The following TINAGL1 variants were observed in gnomAD, a reference collection of about 807,000 sequenced individuals.
TINAGL1 encodes the protein tubulointerstitial nephritis antigen-like.
TINAGL1 carries 34 observed loss-of-function variants against 62.0 expected under a neutral mutation model. That is an observed-to-expected ratio of 0.55 (90% CI 0.42 to 0.73). The LOEUF (loss-of-function observed/expected upper bound fraction) is 0.73. Among genes scored for constraint, TINAGL1 ranks in the 30% least tolerant of loss-of-function variants. TINAGL1 has a pLI of 0.00. For synonymous variants in TINAGL1, 221 were observed against 249.7 expected, an observed-to-expected ratio of 0.88 and a Z score of 1.08; for missense variants, 516 against 653.2, an observed-to-expected ratio of 0.79 and a Z score of 2.29.
At chr1:31,579,934 G>A (rs1171987863) in intron 3 of TINAGL1, 1 of 166,958 alleles carries the variant, frequency 6.0e-6, no homozygotes, top group African/African-American at 2.4e-5. Flanking sequence ...CCAGAGAGAA[G>A]GAAACTTTTT....
chr1:31,579,521 C>T (rs959980531), intron 3 of TINAGL1, among the ~76,000 whole-genome samples: 5 of 152,210 alleles, frequency 3.3e-5, no homozygotes, highest in East Asian at 1.9e-4. Flanking sequence ...AGATCCTTCC[C>T]CACCCCTCCT....
rs761677862 is a variant in TINAGL1, at chr1:31,580,162, GCTCTCTCTCTCTCTCTCT to G, written c.374+928_374+945del. On this transcript the variant is annotated intron_variant, in intron 3 of 11. Coordinates refer to ENST00000271064, the MANE Select transcript of TINAGL1 (RefSeq NM_022164.3). The stretch of plus-strand genomic sequence containing the variant: ...GCTCTGGACGTTGAGGGGTTAATGC[GCTCTCTCTCTCTCTCTCT>G]CTCTCTCTCTCTCTCTCTCTCTCTC... 620 of 474,008 alleles carry G rather than the reference GCTCTCTCTCTCTCTCTCT, an allele frequency of 1.3e-3. 5 individuals are homozygous for G. The highest frequency in any genetic ancestry group is 0.01 in the African/African-American group (335 of 32,504). 29.4% of individuals were successfully genotyped at this position (474,008 alleles called of 1,614,324 possible).
At chr1:31,580,237 GTCTCTCTCTCTCTGTC>G (rs1557558105) in intron 3 of TINAGL1, 11 of 484,888 alleles carry the variant, frequency 2.3e-5, no homozygotes, top group East Asian at 1.5e-4. Flanking sequence ...GTCTCTCTCT[GTCTCTCTCTCTCTGTC>G]TCTCTCTCTC....
Position 31,585,876 on chromosome 1 carries a change from G to C in TINAGL1, c.1217G>C (p.Gly406Ala). 6.3e-7 allele frequency: 1 copy of C among 1,583,522 alleles called. No homozygotes were observed. Among genetic ancestry groups the C allele is most frequent in the Non-Finnish European group, 8.6e-7 (1 of 1,164,192 alleles). ...GGGACCCACTCAGTCAAGATCACAG[G>C]GTGAGGGGCGTGTGGGCAGAGGGGG... is the stretch of plus-strand genomic sequence containing the variant. ...RHGTHSVKITGWGEETLPDGR... is the reference protein window; with the variant it reads ...RHGTHSVKITAWGEETLPDGR... Residue 406 changes from glycine (G) to alanine (A), a missense_variant and splice_region_variant, in exon 10 of 12, where the codon GGA becomes GCA. Gly to Ala is a moderately conservative substitution (Grantham distance 60, BLOSUM62 0). Transcript: ENST00000271064. This position sits in a 1 kb window ranked among gnomAD's most constrained non-coding sequence, Gnocchi z 4.3.
At position 31,583,606 on chromosome 1, in the gene TINAGL1, T is replaced by A; in HGVS notation, c.582+31T>A. The A allele has an allele frequency of 2.5e-6, 4 of 1,573,634 alleles. No homozygotes were observed. The highest frequency in any genetic ancestry group is 3.5e-6 in the Non-Finnish European group (4 of 1,155,344). On this transcript the variant is annotated intron_variant, in intron 5 of 11. Coordinates refer to ENST00000271064, the MANE Select transcript of TINAGL1 (RefSeq NM_022164.3). This position sits in a 1 kb window ranked among gnomAD's most constrained non-coding sequence, Gnocchi z 4.4. ...TCCATCCTTCCCCACAATGCTGCCA[T>A]CTCCCCATGGCTCAGAACCTCAGGG...
chr1:31,583,460 G>C lies in TINAGL1; in HGVS notation c.468-1G>C. ...ACTTCCTTCCGTCCCCTCTCCTTCAGCTGGCAGGCTGGGAACCACAGCGCC... is the reference window on the plus strand; with the variant it reads ...ACTTCCTTCCGTCCCCTCTCCTTCACCTGGCAGGCTGGGAACCACAGCGCC... On this transcript the variant is annotated splice_acceptor_variant, in intron 4 of 11. Transcript: ENST00000271064. LOFTEE classifies it high-confidence loss of function. This position sits in a 1 kb window ranked among gnomAD's most constrained non-coding sequence, Gnocchi z 4.4. 6.2e-7 allele frequency: 1 copy of C among 1,613,188 alleles called. No homozygotes were observed. The highest frequency in any genetic ancestry group is 8.5e-7 in the Non-Finnish European group (1 of 1,179,648).
chr1:31,585,871 C>T lies in TINAGL1; in HGVS notation c.1212C>T (p.Ile404=), dbSNP rs532730668. 1 of 1,590,502 alleles carries T rather than the reference C, an allele frequency of 6.3e-7. No individual in the cohort carries two copies. Among genetic ancestry groups the T allele is most frequent in the African/African-American group, 1.3e-5 (1 of 74,624 alleles). ...GGCATGGGACCCACTCAGTCAAGAT[C>T]ACAGGGTGAGGGGCGTGTGGGCAGA... ...YRRHGTHSVK[I]TGWGEETLPD... is the part of the protein sequence containing the mutation. The change falls in exon 10 of 12, where the codon ATC becomes ATT. Residue 404 remains isoleucine, a synonymous_variant. Coordinates refer to ENST00000271064, the MANE Select transcript of TINAGL1 (RefSeq NM_022164.3). This position sits in a 1 kb window ranked among gnomAD's most constrained non-coding sequence, Gnocchi z 4.3.
At chr1:31,579,083 CAG>C (rs991975041) in intron 2 of TINAGL1, 119 bp from the exon 3 acceptor site, 60 of 714,100 alleles carry the variant, frequency 8.4e-5, no homozygotes, top group South Asian at 1.9e-4. Flanking sequence ...GTGTGTGAGA[CAG>C]AGAGAGAGAA....
At chr1:31,579,858 G>A (rs183991483) in intron 3 of TINAGL1, 117 of 161,866 alleles carry the variant, frequency 7.2e-4, no homozygotes, top group Admixed American at 1.2e-3. Context: ...GGGAGCCTGC[G>A]ACTTGGAGGA....
At position 31,579,291 on chromosome 1, in the gene TINAGL1, G is replaced by A. The variant is rs772180030; in HGVS notation, c.374+24G>A. 7 of 1,608,396 alleles carry A rather than the reference G, an allele frequency of 4.4e-6. 1 individual carries two copies. The highest frequency in any genetic ancestry group is 2.2e-5 in the South Asian group (2 of 90,892). ...TGGTGAGTGTTTGGAGCTTAGAGGG[G>A]TCTTGCTTTGTGAGCCTGTGGCTGA... On this transcript the variant is annotated intron_variant, in intron 3 of 11. Transcript: ENST00000271064.
chr1:31,580,876 T>C, intron 3 of TINAGL1: 1 of 979,556 alleles, frequency 1.0e-6, no homozygotes, highest in Non-Finnish European at 1.3e-6. Context: ...CTTGTCCCAT[T>C]TCTAGTGTAA....
rs780027482 is a variant in TINAGL1, at chr1:31,586,903, T to C, written c.1328T>C (p.Val443Ala). The change falls in exon 12 of 12, where the codon GTC (valine) becomes GCC (alanine). Residue 443 changes from valine to alanine, a missense_variant. Transcript: ENST00000271064. ...GGCCACTTCCGCATCGTGCGCGGCG[T>C]CAATGAGTGCGACATCGAGAGCTTC... ...ERGHFRIVRG[V>A]NECDIESFVL... is the part of the protein sequence containing the mutation. 7.1e-5 allele frequency: 110 copies of C among 1,546,984 alleles called. No homozygotes were observed. The highest frequency in any genetic ancestry group is 9.1e-5 in the Non-Finnish European group (105 of 1,148,508).
chr1:31,585,762 AG>A lies in TINAGL1; in HGVS notation c.1105del (p.Val369CysfsTer18). ...TGACATCTGCCCACAGCCCTCATGG[AG>A]GTGCATGAGGACTTCTTCCTATACA... Reference protein sequence around the residue: ...MENGPVQALMEVHEDFFLYKG... With the variant: ...MENGPVQALMXVHEDFFLYKG... On this transcript the variant is annotated frameshift_variant, in exon 10 of 12. Transcript: ENST00000271064. LOFTEE classifies it high-confidence loss of function. This position sits in a 1 kb window ranked among gnomAD's most constrained non-coding sequence, Gnocchi z 4.3. 1 of 1,613,308 alleles carries A rather than the reference AG, an allele frequency of 6.2e-7. No homozygotes were observed. The highest frequency in any genetic ancestry group is 1.1e-5 in the South Asian group (1 of 90,926).
At chr1:31,586,270 A>G (rs1308556539) in intron 10 of TINAGL1, 5 of 310,216 alleles carry the variant, frequency 1.6e-5, no homozygotes, top group Non-Finnish European at 2.4e-5. Context: ...ACTGACTTCA[A>G]TGAACTCGGT....
chr1:31,582,757 C>T (rs1639280712), intron 3 of TINAGL1, among the ~76,000 whole-genome samples: 1 of 151,884 alleles, frequency 6.6e-6, no homozygotes, highest in Admixed American at 6.6e-5. Context: ...TGAACTGGAT[C>T]AGCATGGGAA....
chr1:31,580,884 T>C, intron 3 of TINAGL1: 5 of 903,866 alleles, frequency 5.5e-6, no homozygotes, highest in Non-Finnish European at 7.3e-6. Flanking sequence ...ATTTCTAGTG[T>C]AAGGTGAAGG....
At chr1:31,579,302 T>C (rs1249258029) in intron 3 of TINAGL1, 35 bp downstream of exon 3, 3 of 1,591,844 alleles carry the variant, frequency 1.9e-6, no homozygotes, top group Non-Finnish European at 2.6e-6. Context: ...TCTTGCTTTG[T>C]GAGCCTGTGG....
chr1:31,586,692 C>T lies in TINAGL1; in HGVS notation c.1218-18C>T. 1 of 1,557,316 alleles carries T rather than the reference C, an allele frequency of 6.4e-7. No homozygotes were observed. The highest frequency in any genetic ancestry group is 1.4e-5 in the African/African-American group (1 of 73,534). ...AGGTAGACCCAGCTCCCTTCCCCCT[C>T]CTCTGCTCTGCCCACAGATGGGGAG... On this transcript the variant is annotated intron_variant, in intron 10 of 11. Coordinates refer to ENST00000271064, the MANE Select transcript of TINAGL1 (RefSeq NM_022164.3).
At chr1:31,578,440 T>C (rs1329529468) in intron 2 of TINAGL1, among the ~76,000 whole-genome samples, 2 of 148,028 alleles carry the variant, frequency 1.4e-5, no homozygotes, top group Non-Finnish European at 1.5e-5. Context: ...AGCTGGTGTG[T>C]GTGTGTGTGT....
Sources: gnomAD v4.1 joint callset for allele counts (sites outside exome capture counted in the v4.1 genomes callset) on GRCh38, gnomAD v4.1.1 for gene constraint, Gnocchi (gnomAD v3.1) non-coding constraint, MANE v1.5 for transcripts, NCBI Gene and HGNC (gene_info 2026-07-23, HGNC 2026-07-21) for gene names.